ZDHHC14: variants seen among roughly 807,000 people sequenced by gnomAD.
ZDHHC14 encodes zDHHC palmitoyltransferase 14, also known as palmitoyltransferase ZDHHC14.
A neutral mutation model predicts 47.7 loss-of-function variants in ZDHHC14; 16 were observed. The observed-to-expected ratio is 0.34, with a 90% CI of 0.23 to 0.51. The LOEUF (loss-of-function observed/expected upper bound fraction) is 0.51. Ranked by LOEUF, ZDHHC14 falls within the 20% of genes least tolerant of loss-of-function variation. The pLI is 0.97. For missense variants in ZDHHC14, 515 were observed against 662.5 expected (o/e 0.78, Z 2.44); for synonymous variants, 293 against 278.9 (o/e 1.05, Z -0.50).
chr6:157,592,455 T>C, intron 2 of ZDHHC14, among the ~76,000 whole-genome samples: 1 of 152,202 alleles, frequency 6.6e-6, no homozygotes, highest in East Asian at 1.9e-4. Flanking sequence ...ACCCTGGAGC[T>C]GGATTTGGAG....
At chr6:157,584,045 G>A (rs1783604399) in intron 2 of ZDHHC14, among the ~76,000 whole-genome samples, 2 of 152,226 alleles carry the variant, frequency 1.3e-5, no homozygotes, top group African/African-American at 4.8e-5. Context: ...CTTGCTGGCA[G>A]TATGGTTGAA....
chr6:157,411,635 CAAAG>C (rs1234497441), intron 1 of ZDHHC14, among the ~76,000 whole-genome samples: 1 of 150,880 alleles, frequency 6.6e-6, no homozygotes, highest in Non-Finnish European at 1.5e-5. Context: ...AATAAGAAAA[CAAAG>C]AGAGAAAGTA....
chr6:157,494,956 A>T (rs1780019396), intron 1 of ZDHHC14, among the ~76,000 whole-genome samples: 1 of 152,076 alleles, frequency 6.6e-6, no homozygotes. Context: ...TTCCTCTCCC[A>T]TGGTTCCCTA....
chr6:157,604,129 A>T (rs1370627948), intron 3 of ZDHHC14, among the ~76,000 whole-genome samples: 4 of 152,138 alleles, frequency 2.6e-5, no homozygotes, highest in Non-Finnish European at 4.4e-5. Flanking sequence ...TCTACAAAAA[A>T]TACAAAAATT....
chr6:157,498,894 A>C (rs1381360425), intron 1 of ZDHHC14, among the ~76,000 whole-genome samples: 1 of 152,156 alleles, frequency 6.6e-6, no homozygotes, highest in Non-Finnish European at 1.5e-5. Flanking sequence ...CATTGAGTTC[A>C]GTGGTTGTTA....
At chr6:157,581,411 G>T (rs1473792372) in intron 2 of ZDHHC14, among the ~76,000 whole-genome samples, 1 of 151,984 alleles carries the variant, frequency 6.6e-6, no homozygotes, top group African/African-American at 2.4e-5. Context: ...TTGGGGTAGA[G>T]AGTTCTGTAG....
intron 2 of ZDHHC14, among the ~76,000 whole-genome samples, chr6:157,572,094 A>G (rs1783121176): frequency 6.6e-6 from 1 of 152,054 alleles, no homozygotes. Flanking sequence ...CTGCCAGTCC[A>G]TGGCCCACAC....
chr6:157,515,089 A>T (rs974589272), intron 1 of ZDHHC14, among the ~76,000 whole-genome samples: 14 of 152,124 alleles, frequency 9.2e-5, no homozygotes, highest in African/African-American at 3.4e-4. Flanking sequence ...GGGGAAGTTG[A>T]ATCTGTGGCT....
chr6:157,547,019 G>T (rs1489506979), intron 2 of ZDHHC14, among the ~76,000 whole-genome samples: 1 of 152,208 alleles, frequency 6.6e-6, no homozygotes, highest in African/African-American at 2.4e-5. Context: ...GATGGACTTT[G>T]CTTGGTAAGG....
intron 1 of ZDHHC14, among the ~76,000 whole-genome samples, chr6:157,398,095 G>T (rs980397854): frequency 1.5e-5 from 2 of 134,668 alleles, no homozygotes; most frequent in African/African-American, 5.6e-5. Flanking sequence ...GCCCCCCCCG[G>T]CTCCCCAGAT....
At chr6:157,672,349 G>C (rs73571882) in intron 8 of ZDHHC14, among the ~76,000 whole-genome samples, 3,047 of 152,222 alleles carry the variant, frequency 0.02, 118 homozygotes, top group African/African-American at 0.069. Context: ...TTTAAAAAAT[G>C]GTTTTCAGCA....
At chr6:157,619,053 G>A (rs1210534567) in intron 3 of ZDHHC14, among the ~76,000 whole-genome samples, 1 of 151,850 alleles carries the variant, frequency 6.6e-6, no homozygotes, top group Non-Finnish European at 1.5e-5. Flanking sequence ...TCAGAATGCC[G>A]GCCTCTGCAG....
At chr6:157,600,655 C>G (rs1784303934) in intron 3 of ZDHHC14, among the ~76,000 whole-genome samples, 2 of 152,204 alleles carry the variant, frequency 1.3e-5, no homozygotes, top group South Asian at 4.1e-4. Flanking sequence ...ATTGGCCCAC[C>G]TTGACATCCC....
chr6:157,548,610 C>G (rs1739702724), intron 2 of ZDHHC14, among the ~76,000 whole-genome samples: 2 of 152,156 alleles, frequency 1.3e-5, no homozygotes, highest in African/African-American at 4.8e-5. Context: ...CTATTCCCGG[C>G]TAATTTTGTA....
intron 2 of ZDHHC14, among the ~76,000 whole-genome samples, chr6:157,561,687 G>A (rs927943547): frequency 6.6e-6 from 1 of 152,154 alleles, no homozygotes; most frequent in African/African-American, 2.4e-5. Flanking sequence ...TTGAGATGGA[G>A]TTTCACTGTT....
intron 2 of ZDHHC14, among the ~76,000 whole-genome samples, chr6:157,578,640 G>T (rs1409601666): frequency 1.3e-5 from 2 of 152,222 alleles, no homozygotes; most frequent in Non-Finnish European, 2.9e-5. Flanking sequence ...ACCAGGTGGA[G>T]GTGATTGAAT....
At chr6:157,630,570 CCA>C (rs1378440182) in intron 4 of ZDHHC14, 1 of 149,406 alleles carries the variant, frequency 6.7e-6, no homozygotes, top group African/African-American at 2.5e-5. Context: ...CCTTACACAC[CCA>C]CACACCCTTA....
intron 4 of ZDHHC14, chr6:157,631,983 G>A (rs1388055121): frequency 6.6e-6 from 1 of 152,292 alleles, no homozygotes; most frequent in Admixed American, 6.5e-5. Flanking sequence ...AGGGAGCCAA[G>A]CCACTCTTCA....
chr6:157,383,501 A>G (rs1429592794), intron 1 of ZDHHC14, among the ~76,000 whole-genome samples: 1 of 152,188 alleles, frequency 6.6e-6, no homozygotes, highest in Non-Finnish European at 1.5e-5. Flanking sequence ...TGCTGTCTCA[A>G]TTGGAAATGA....
Sources: allele counts gnomAD v4.1 joint callset (sites outside exome capture counted in the v4.1 genomes callset), GRCh38; gene constraint gnomAD v4.1.1; transcripts MANE v1.5; gene names NCBI Gene and HGNC (gene_info 2026-07-23, HGNC 2026-07-21).